The following TTC7A variants were observed in gnomAD, a reference collection of about 807,000 sequenced individuals.
The protein encoded by TTC7A is tetratricopeptide repeat protein 7A.
Under a neutral mutation model 103.7 loss-of-function variants are expected in TTC7A, and 110 were observed. The ratio of observed to expected loss-of-function variants is 1.06; its 90% confidence interval spans 0.91 to 1.24. The LOEUF is 1.24. TTC7A is among the 50% of genes most tolerant of loss of function. The probability of loss-of-function intolerance (pLI) is 0.00; values close to 1 mark genes in which losing one functional copy is unlikely to be tolerated. For missense variants in TTC7A, 1,340 were observed against 1,116.3 expected (o/e 1.20, Z -2.86); for synonymous variants, 521 against 467.9 (o/e 1.11, Z -1.47).
intron 5 of TTC7A, 58 bp downstream of exon 5, chr2:46,978,965 A>C (rs975133806): frequency 7.6e-7 from 1 of 1,311,296 alleles, no homozygotes. Flanking sequence ...GAGGCTTTTG[A>C]CGTGGCCTTA....
intron 5 of TTC7A, among the ~76,000 whole-genome samples, chr2:46,983,106 T>C (rs1302334458): frequency 6.6e-6 from 1 of 152,226 alleles, no homozygotes; most frequent in Non-Finnish European, 1.5e-5. Context: ...ATGAGTCACC[T>C]TTTGTTTTCT....
intron 8 of TTC7A, among the ~76,000 whole-genome samples, chr2:47,000,522 G>A (rs943703169): frequency 4.6e-5 from 7 of 152,202 alleles, no homozygotes; most frequent in Non-Finnish European, 8.8e-5. Flanking sequence ...GGCTGGCGTG[G>A]GCCTGGCCTG....
chr2:47,045,341 C>T (rs1682202039), intron 15 of TTC7A, among the ~76,000 whole-genome samples: 1 of 152,226 alleles, frequency 6.6e-6, no homozygotes, highest in Admixed American at 6.5e-5. Flanking sequence ...GGGCTCCACC[C>T]CAGCTCTTGA....
intron 19 of TTC7A, among the ~76,000 whole-genome samples, chr2:47,069,531 G>A (rs1397376901): frequency 1.3e-5 from 2 of 152,166 alleles, no homozygotes; most frequent in African/African-American, 4.8e-5. Flanking sequence ...CCAGCACTGG[G>A]TGGGGCTGGA....
chr2:47,010,429 A>G (rs1156655420), intron 10 of TTC7A, among the ~76,000 whole-genome samples: 1 of 152,178 alleles, frequency 6.6e-6, no homozygotes, highest in Non-Finnish European at 1.5e-5. Flanking sequence ...AGATCTGGAT[A>G]AGTGTTTGCT....
rs201953698 is a variant in TTC7A, at chr2:46,919,272, C to T, written c.82+1995C>T. ...TAGATAGGCTGGGTGTGGTGGCTCA[C>T]GCCTGTAATCCCAGCACTTTGGGAG... On this transcript the variant is annotated intron_variant, in intron 2 of 20. Transcript: ENST00000409245. Among the ~76,000 whole-genome samples the T allele has an allele frequency of 6.6e-5, 10 of 152,304 alleles. 1 individual carries two copies. In the East Asian group the frequency reaches 1.5e-3, roughly 23 times the overall value.
intron 9 of TTC7A, 84 bp from the exon 10 acceptor site, chr2:47,006,557 G>C (rs2104456354): frequency 1.6e-6 from 2 of 1,238,696 alleles, no homozygotes; most frequent in Non-Finnish European, 2.4e-6. Context: ...GCGGTGACTT[G>C]GGCAGTAACT....
chr2:47,069,847 A>C (rs1573098851), intron 19 of TTC7A, among the ~76,000 whole-genome samples: 2 of 152,216 alleles, frequency 1.3e-5, no homozygotes, highest in East Asian at 3.9e-4. Context: ...TGGTGTCCCC[A>C]AACGCAGGCT....
chr2:47,069,053 C>A (rs1371668393), intron 19 of TTC7A, among the ~76,000 whole-genome samples: 2 of 152,070 alleles, frequency 1.3e-5, no homozygotes, highest in Non-Finnish European at 2.9e-5. Context: ...CGGGGACTCA[C>A]TTCTAGAACC....
intron 15 of TTC7A, among the ~76,000 whole-genome samples, chr2:47,032,972 G>C (rs1452225740): frequency 6.6e-6 from 1 of 151,884 alleles, no homozygotes; most frequent in African/African-American, 2.4e-5. Context: ...CCAGACTATG[G>C]TGAGTGACCA....
chr2:46,920,973 TAA>T (rs34487440), intron 2 of TTC7A, among the ~76,000 whole-genome samples: 6 of 139,184 alleles, frequency 4.3e-5, no homozygotes, highest in African/African-American at 1.3e-4. Flanking sequence ...CTATTCATGA[TAA>T]AAAAAAAAAA....
chr2:47,043,119 G>A (rs1198713143), intron 15 of TTC7A, among the ~76,000 whole-genome samples: 1 of 152,262 alleles, frequency 6.6e-6, no homozygotes, highest in Non-Finnish European at 1.5e-5. Context: ...TGGGTGAGGA[G>A]AAGCAGCTAC....
intron 18 of TTC7A, among the ~76,000 whole-genome samples, chr2:47,059,569 C>T (rs943689747): frequency 1.3e-5 from 2 of 152,128 alleles, no homozygotes; most frequent in Non-Finnish European, 2.9e-5. Context: ...TCTGAGCACA[C>T]GCCTACCTTC....
Position 46,941,602 on chromosome 2 carries a change from C to A in TTC7A, c.61C>A (p.Arg21Ser). 6.4e-7 allele frequency: 1 copy of A among 1,556,876 alleles called. No homozygotes were observed. Among genetic ancestry groups the A allele is most frequent in the South Asian group, 1.2e-5 (1 of 84,420 alleles). Residue 21 changes from arginine (R) to serine (S), a missense_variant, in exon 1 of 20, where the codon CGC becomes AGC. Transcript: ENST00000319190. This position sits in a 1 kb window ranked among gnomAD's most constrained non-coding sequence, Gnocchi z 4.2. ...LKVESELERC[R>S]AEGHWDRMPE... ...GGTGGAGAGCGAGCTGGAGCGCTGC[C>A]GCGCCGAGGGCCACTGGGACCGCAT...
intron 3 of TTC7A, among the ~76,000 whole-genome samples, chr2:46,971,021 A>T (rs1673308473): frequency 6.6e-6 from 1 of 152,156 alleles, no homozygotes; most frequent in Non-Finnish European, 1.5e-5. Flanking sequence ...AACAATAATA[A>T]TTCCTTACCT....
chr2:46,988,000 G>A (rs1675214833), intron 5 of TTC7A, among the ~76,000 whole-genome samples: 1 of 152,300 alleles, frequency 6.6e-6, no homozygotes, highest in Admixed American at 6.5e-5. Flanking sequence ...GGCTAGGGGA[G>A]GACAGGAGTC....
chr2:46,976,303 A>G (rs142246444), intron 4 of TTC7A, among the ~76,000 whole-genome samples: 80 of 152,366 alleles, frequency 5.3e-4, no homozygotes, highest in African/African-American at 1.8e-3. Context: ...TACCTCATTA[A>G]TAAGTGCTAT....
intron 2 of TTC7A, among the ~76,000 whole-genome samples, chr2:46,920,110 C>G (rs1669022139): frequency 6.6e-6 from 1 of 152,154 alleles, no homozygotes; most frequent in Admixed American, 6.5e-5. Context: ...TATCAAAGCA[C>G]ACATCACTCC....
intron 3 of TTC7A, among the ~76,000 whole-genome samples, chr2:46,973,493 G>C (rs771630460): frequency 6.6e-6 from 1 of 152,210 alleles, no homozygotes; most frequent in African/African-American, 2.4e-5. Context: ...TCCCACTGCC[G>C]CAGGTTGCCG....
Sources: allele counts gnomAD v4.1 joint callset (sites outside exome capture counted in the v4.1 genomes callset), GRCh38; gene constraint gnomAD v4.1.1; non-coding constraint Gnocchi (gnomAD v3.1); transcripts MANE v1.5; gene names NCBI Gene and HGNC (gene_info 2026-07-23, HGNC 2026-07-21).